DERA: variants seen among roughly 807,000 people sequenced by gnomAD.
DERA encodes the protein 2-deoxy-D-ribose 5-phosphate aldolase.
DERA carries 15 observed loss-of-function variants against 41.1 expected under a neutral mutation model. The observed-to-expected ratio is 0.37, with a 90% CI of 0.24 to 0.56. The LOEUF is 0.56. Among genes scored for constraint, DERA ranks in the 20% least tolerant of loss-of-function variants. The pLI is 0.81. For missense variants in DERA, 396 were observed against 403.4 expected (o/e 0.98, Z 0.16); for synonymous variants, 139 against 137.4 (o/e 1.01, Z -0.08).
At position 15,959,801 on chromosome 12, in the gene DERA, G is replaced by T. The variant is rs1258250464; in HGVS notation, c.278-28G>T. On this transcript the variant is annotated intron_variant, in intron 3 of 8. Transcript: ENST00000428559. This position sits in a 1 kb window ranked among gnomAD's most constrained non-coding sequence, Gnocchi z 4.5. ...TTGTATGAGTTGAACTTCATTGAAA[G>T]TTGGCTATTCCTATTTTTTCTTGAT... 3 of 1,484,578 alleles carry T rather than the reference G, an allele frequency of 2.0e-6. No homozygotes were observed. Among genetic ancestry groups the T allele is most frequent in the Non-Finnish European group, 2.7e-6 (3 of 1,090,992 alleles). The allele number at this position is 1,484,578 out of a possible 1,614,324, so 92.0% of individuals were successfully genotyped here. A position where few individuals can be genotyped will look rare whatever the true frequency, so the allele number is the denominator to read the frequency against.
intron 5 of DERA, among the ~76,000 whole-genome samples, chr12:15,964,369 C>T (rs1239872076): frequency 7.9e-5 from 12 of 152,152 alleles, no homozygotes; most frequent in Admixed American, 7.2e-4. Context: ...CACCCCACTG[C>T]CCCCCAAGTT....
intron 4 of DERA, among the ~76,000 whole-genome samples, chr12:15,961,807 G>A (rs1310703306): frequency 3.3e-5 from 5 of 152,118 alleles, no homozygotes; most frequent in African/African-American, 9.7e-5. Flanking sequence ...GCAGTGGCGC[G>A]ATCTCGGCTC....
intron 1 of DERA, among the ~76,000 whole-genome samples, chr12:15,950,077 C>T (rs923124850): frequency 1.3e-5 from 2 of 152,046 alleles, no homozygotes; most frequent in Admixed American, 1.3e-4. Flanking sequence ...TTTCTGTTAC[C>T]AGAAAGGGGT....
intron 6 of DERA, among the ~76,000 whole-genome samples, chr12:16,005,552 G>A (rs951978772): frequency 1.4e-4 from 22 of 152,186 alleles, no homozygotes; most frequent in Non-Finnish European, 2.2e-4. Context: ...GTTGTGTTCT[G>A]TTAGACAATA....
Position 16,021,346 on chromosome 12 carries a change from A to T in DERA, c.638-11196A>T, listed in dbSNP as rs1020004039. ...GCTGCTGTGGAGAGTACAAGTTGTA[A>T]GCCTTGCTGGTTTCTATGTGATGTT... On this transcript the variant is annotated intron_variant, in intron 6 of 8. Coordinates refer to ENST00000428559, the MANE Select transcript of DERA (RefSeq NM_015954.4). This position sits in a 1 kb window ranked among gnomAD's most constrained non-coding sequence, Gnocchi z 5.3. Among the ~76,000 whole-genome samples, 9 of 152,204 alleles carry T rather than the reference A, an allele frequency of 5.9e-5. No individual in the cohort carries two copies. The highest frequency in any genetic ancestry group is 2.2e-4 in the African/African-American group (9 of 41,438).
chr12:15,957,158 T>G lies in DERA; in HGVS notation c.129+125T>G. On this transcript the variant is annotated intron_variant, in intron 2 of 8. Transcript: ENST00000428559. This position sits in a 1 kb window ranked among gnomAD's most constrained non-coding sequence, Gnocchi z 4.8. Reference sequence around the variant, plus strand: ...TTAAAAGATTGCAGCTGTCCATGACTTATTTTAATAATTCATATATGATGA... The same window carrying G: ...TTAAAAGATTGCAGCTGTCCATGACGTATTTTAATAATTCATATATGATGA... 1.4e-6 allele frequency: 1 copy of G among 706,566 alleles called. No individual in the cohort carries two copies. 43.8% of individuals were successfully genotyped at this position (706,566 alleles called of 1,614,324 possible).
At position 15,984,429 on chromosome 12, in the gene DERA, T is replaced by C. The variant is rs527240073; in HGVS notation, c.637+1993T>C. Among the ~76,000 whole-genome samples, 6 of 152,320 alleles carry C rather than the reference T, an allele frequency of 3.9e-5. No homozygotes were observed. The East Asian group carries it at 1.2e-3, about 29-fold the overall frequency. On this transcript the variant is annotated intron_variant, in intron 6 of 8. Transcript: ENST00000428559. The surrounding 1 kb of genome is among the most constrained non-coding windows in gnomAD (Gnocchi z 4.5). Reference sequence around the variant, plus strand: ...CTTGTTTCTCTGTTCATGTTGTTTATCCACTTCATTTCTTCATTTAAGCAG... The same window carrying C: ...CTTGTTTCTCTGTTCATGTTGTTTACCCACTTCATTTCTTCATTTAAGCAG...
chr12:15,960,803 A>G (rs1948582124), intron 4 of DERA, among the ~76,000 whole-genome samples: 1 of 152,186 alleles, frequency 6.6e-6, no homozygotes, highest in Non-Finnish European at 1.5e-5. Flanking sequence ...AGGAGTTCAC[A>G]GTGTTAATAA....
At chr12:15,963,581 T>C (rs1401796431) in intron 5 of DERA, among the ~76,000 whole-genome samples, 1 of 152,204 alleles carries the variant, frequency 6.6e-6, no homozygotes, top group Non-Finnish European at 1.5e-5. Context: ...GTCTTAAATA[T>C]ATTTTGTGTA....
Position 15,911,657 on chromosome 12 carries a change from GATT to G in DERA, c.31+249_31+251del, listed in dbSNP as rs1244721887. 1.4e-6 allele frequency: 1 copy of G among 692,668 alleles called. No homozygotes were observed. Among genetic ancestry groups the G allele is most frequent in the Non-Finnish European group, 2.6e-6 (1 of 379,308 alleles). 42.9% of individuals were successfully genotyped at this position (692,668 alleles called of 1,614,324 possible). A position where few individuals can be genotyped will look rare whatever the true frequency, so the allele number is the denominator to read the frequency against. ...ATGCGGAAGGAGTAGGAAAGGGTTAGATTATTATCTTCCTGCCTTTTCGTTCAC... is the reference window on the plus strand; with the variant it reads ...ATGCGGAAGGAGTAGGAAAGGGTTAGATTATCTTCCTGCCTTTTCGTTCAC... On this transcript the variant is annotated intron_variant, in intron 1 of 8. Coordinates refer to ENST00000428559, the MANE Select transcript of DERA (RefSeq NM_015954.4). This position sits in a 1 kb window ranked among gnomAD's most constrained non-coding sequence, Gnocchi z 4.5.
At chr12:16,033,305 C>T (rs751660859) in intron 7 of DERA, among the ~76,000 whole-genome samples, 84 of 152,088 alleles carry the variant, frequency 5.5e-4, no homozygotes, top group Non-Finnish European at 8.2e-4. Flanking sequence ...GGTAGCTAGA[C>T]GTTATATAGC....
At chr12:16,015,940 T>C (rs1948978933) in intron 6 of DERA, among the ~76,000 whole-genome samples, 2 of 152,244 alleles carry the variant, frequency 1.3e-5, no homozygotes, top group South Asian at 4.1e-4. Flanking sequence ...TTTTTTTAAA[T>C]TGAGATATAA....
At chr12:15,951,241 G>T (rs1166410794) in intron 1 of DERA, 1 of 152,244 alleles carries the variant, frequency 6.6e-6, no homozygotes, top group East Asian at 1.9e-4. Flanking sequence ...TCATCCCTTT[G>T]TAATGTTGGC....
rs1232121559 is a variant in DERA, at chr12:15,947,440, T to G, written c.32-9496T>G. ...GGGTAGTTAGCTCTTCTTGTTGAAT[T>G]GATCTCTTTACCATTATCTAATGGC... On this transcript the variant is annotated intron_variant, in intron 1 of 8. Coordinates refer to ENST00000428559, the MANE Select transcript of DERA (RefSeq NM_015954.4). Among the ~76,000 whole-genome samples the G allele has an allele frequency of 2.0e-5, 3 of 152,342 alleles. No individual in the cohort carries two copies. In the East Asian group the frequency reaches 5.8e-4, roughly 29 times the overall value.
At chr12:15,962,754 GCTTA>G (rs1948596527) in intron 4 of DERA, 55 bp from the exon 5 acceptor site, 1 of 1,448,342 alleles carries the variant, frequency 6.9e-7, no homozygotes, top group African/African-American at 1.4e-5. Flanking sequence ...TCCCCCCCTT[GCTTA>G]CTTTCTTTCT....
rs1565588595 is a variant in DERA, at chr12:15,936,885, CT to C, written c.32-20049del. On this transcript the variant is annotated intron_variant, in intron 1 of 8. Transcript: ENST00000428559. The surrounding 1 kb of genome is among the most constrained non-coding windows in gnomAD (Gnocchi z 4.6). Reference sequence around the variant, plus strand: ...CTTGTCTTGTCTTGTCTTGTCTTGTCTTGTCCTGTCCTGTCCTGTCCTGTCC... The same window carrying C: ...CTTGTCTTGTCTTGTCTTGTCTTGTCTGTCCTGTCCTGTCCTGTCCTGTCC... 4.3e-5 allele frequency among the ~76,000 whole-genome samples: 6 copies of C among 139,694 alleles called. No individual in the cohort carries two copies. The highest frequency in any genetic ancestry group is 1.8e-4 in the African/African-American group (6 of 32,476). 91.6% of individuals were successfully genotyped at this position (139,694 alleles called of 152,430 possible).
rs1334100906 is a variant in DERA at position 16,011,462 on chromosome 12, G to A, written c.638-21080G>A. ...ATGCTCCAGTGATCATTTCTTTTGA[G>A]TATTGTATCAACGGAGTTTCGATTT... On this transcript the variant is annotated intron_variant, in intron 6 of 8. Coordinates refer to ENST00000428559, the MANE Select transcript of DERA (RefSeq NM_015954.4). The surrounding 1 kb of genome is among the most constrained non-coding windows in gnomAD (Gnocchi z 4.7). Among the ~76,000 whole-genome samples, 1 of 152,134 alleles carries A rather than the reference G, an allele frequency of 6.6e-6. No individual in the cohort carries two copies. Among genetic ancestry groups the A allele is most frequent in the Non-Finnish European group, 1.5e-5 (1 of 68,010 alleles).
Position 15,922,380 on chromosome 12 carries a change from G to A in DERA, c.31+10966G>A, listed in dbSNP as rs1215648787. Reference sequence around the variant, plus strand: ...AGATCTCATATGGATTTTTATTAGTGAAAACATTTCCATAGATCTGTCTCC... The same window carrying A: ...AGATCTCATATGGATTTTTATTAGTAAAAACATTTCCATAGATCTGTCTCC... On this transcript the variant is annotated intron_variant, in intron 1 of 8. Coordinates refer to ENST00000428559, the MANE Select transcript of DERA (RefSeq NM_015954.4). The surrounding 1 kb of genome is among the most constrained non-coding windows in gnomAD (Gnocchi z 4.9). Among the ~76,000 whole-genome samples, 1 of 151,996 alleles carries A rather than the reference G, an allele frequency of 6.6e-6. No homozygotes were observed. The highest frequency in any genetic ancestry group is 1.5e-5 in the Non-Finnish European group (1 of 67,988).
In DERA at chr12:15,957,119, A is replaced by C. The variant is rs1948546511; in HGVS notation, c.129+86A>C. The C allele has an allele frequency of 8.2e-6, 8 of 977,528 alleles. No individual in the cohort carries two copies. The highest frequency in any genetic ancestry group is 1.3e-5 in the Non-Finnish European group (8 of 620,212). The allele number at this position is 977,528 out of a possible 1,614,324, so 60.6% of individuals were successfully genotyped here. On this transcript the variant is annotated intron_variant, in intron 2 of 8. Transcript: ENST00000428559. This position sits in a 1 kb window ranked among gnomAD's most constrained non-coding sequence, Gnocchi z 4.8. The stretch of plus-strand genomic sequence containing the variant: ...AGGCCACAATATTGAATTTCACTCA[A>C]GATGCATCTAAACTTAAAAGATTGC...
Sources: gnomAD v4.1 joint callset for allele counts (sites outside exome capture counted in the v4.1 genomes callset) on GRCh38, gnomAD v4.1.1 for gene constraint, Gnocchi (gnomAD v3.1) non-coding constraint, MANE v1.5 for transcripts, NCBI Gene and HGNC (gene_info 2026-07-23, HGNC 2026-07-21) for gene names.